The following CHN2 variants were observed in gnomAD, a reference collection of about 807,000 sequenced individuals.
CHN2 encodes chimerin 2.
A neutral mutation model predicts 56.3 loss-of-function variants in CHN2; 35 were observed. That is an observed-to-expected ratio of 0.62 (90% CI 0.47 to 0.82). The LOEUF (loss-of-function observed/expected upper bound fraction) is 0.82, where lower values mean the gene tolerates loss of function less well. Among genes scored for constraint, CHN2 ranks in the 40% least tolerant of loss-of-function variants. CHN2 has a pLI of 0.00. For synonymous variants in CHN2, 210 were observed against 212.8 expected (o/e 0.99, Z 0.12); for missense variants, 491 against 580.5 (o/e 0.85, Z 1.58).
rs149445075 is a variant in CHN2 at position 29,283,892 on chromosome 7, C to T, written c.50-70733C>T. 8.6e-3 allele frequency among the ~76,000 whole-genome samples: 1,228 copies of T among 143,454 alleles called. 19 individuals are homozygous for T. The highest frequency in any genetic ancestry group is 0.03 in the African/African-American group (1,166 of 39,028). 94.1% of individuals were successfully genotyped at this position (143,454 alleles called of 152,430 possible). ...TCTGCCTCCCAAAATGTTGGGATTA[C>T]AGGCAGGAGCCACCGTTCCCAGCCA... On this transcript the variant is annotated intron_variant, in intron 1 of 12. Coordinates refer to ENST00000222792, the MANE Select transcript of CHN2 (RefSeq NM_004067.4).
chr7:29,245,797 C>T (rs187230342), intron 1 of CHN2, among the ~76,000 whole-genome samples: 166 of 152,220 alleles, frequency 1.1e-3, no homozygotes, highest in Non-Finnish European at 3.1e-4. Flanking sequence ...CACATTTCCA[C>T]GCCTTTACTC....
intron 2 of CHN2, among the ~76,000 whole-genome samples, chr7:29,172,962 T>G (rs1406717379): frequency 6.6e-6 from 1 of 151,656 alleles, no homozygotes; most frequent in African/African-American, 2.4e-5. Flanking sequence ...AAAAACCTGT[T>G]TCTACTAAAA....
intron 12 of CHN2, among the ~76,000 whole-genome samples, chr7:29,511,761 G>A (rs1182701641): frequency 6.6e-6 from 1 of 151,912 alleles, no homozygotes; most frequent in Non-Finnish European, 1.5e-5. Context: ...CATTTTTGGA[G>A]AACCCATTCC....
chr7:29,372,936 C>T (rs1031240942), intron 3 of CHN2, among the ~76,000 whole-genome samples: 3 of 152,090 alleles, frequency 2.0e-5, no homozygotes, highest in African/African-American at 4.8e-5. Flanking sequence ...TTTTTGAAAT[C>T]GCTATAGTGA....
At chr7:29,487,395 T>A (rs1788140174) in intron 7 of CHN2, among the ~76,000 whole-genome samples, 1 of 152,098 alleles carries the variant, frequency 6.6e-6, no homozygotes, top group Admixed American at 6.6e-5. Context: ...ATTAAAAAAA[T>A]GTTGTTTCTG....
At chr7:29,498,548 T>TA (rs767388809) in intron 8 of CHN2, among the ~76,000 whole-genome samples, 7 of 152,346 alleles carry the variant, frequency 4.6e-5, no homozygotes, top group Non-Finnish European at 8.8e-5. Context: ...TACAAAAGTT[T>TA]AGATCCTCTC....
chr7:29,408,245 C>T lies in CHN2; in HGVS notation c.576+7417C>T, dbSNP rs527352601. Reference sequence around the variant, plus strand: ...ATATATTAAAAATGCCCATGTTTGACCCCACCTGCCTATGGAATCAAAGTC... The same window carrying T: ...ATATATTAAAAATGCCCATGTTTGATCCCACCTGCCTATGGAATCAAAGTC... On this transcript the variant is annotated intron_variant, in intron 6 of 12. Transcript: ENST00000222792. 2.0e-5 allele frequency among the ~76,000 whole-genome samples: 3 copies of T among 152,034 alleles called. No homozygotes were observed. In the South Asian group the frequency reaches 6.2e-4, roughly 32 times the overall value.
At chr7:29,154,323 C>G (rs772708817) in intron 2 of CHN2, among the ~76,000 whole-genome samples, 1 of 152,126 alleles carries the variant, frequency 6.6e-6, no homozygotes, top group African/African-American at 2.4e-5. Flanking sequence ...CATTCGTATG[C>G]AGTGAATCAG....
At position 29,507,285 on chromosome 7, in the gene CHN2, G is replaced by C; in HGVS notation, c.1049G>C (p.Gly350Ala). The C allele has an allele frequency of 6.2e-7, 1 of 1,613,434 alleles. No homozygotes were observed. Among genetic ancestry groups the C allele is most frequent in the Non-Finnish European group, 8.5e-7 (1 of 1,179,668 alleles). ...NVYPDINIITGALKLYFRDLP... is the reference protein window; with the variant it reads ...NVYPDINIITAALKLYFRDLP... ...TATCCAGACATAAACATCATCACTG[G>C]AGCCCTTAAACTGTATTTCAGAGAC... Residue 350 changes from glycine (G) to alanine (A), a missense_variant, in exon 11 of 13, where the codon GGA becomes GCA. Physicochemically the swap from Gly to Ala is moderately conservative, Grantham distance 60. Transcript: ENST00000222792.
chr7:29,234,328 T>C (rs944404268), intron 1 of CHN2, among the ~76,000 whole-genome samples: 1 of 152,252 alleles, frequency 6.6e-6, no homozygotes, highest in Non-Finnish European at 1.5e-5. Context: ...ATTTTCATTA[T>C]GGTAATGACG....
intron 1 of CHN2, among the ~76,000 whole-genome samples, chr7:29,204,283 A>G (rs558500339): frequency 1.1e-3 from 161 of 152,232 alleles, no homozygotes; most frequent in Non-Finnish European, 1.8e-3. Context: ...TCAAATTTAT[A>G]TCGTATATAA....
rs149584418 is a variant in CHN2 at position 29,299,187 on chromosome 7, G to A, written c.50-55438G>A. Among the ~76,000 whole-genome samples, 555 of 152,256 alleles carry A rather than the reference G, an allele frequency of 3.6e-3. 5 individuals are homozygous for A. Among genetic ancestry groups the A allele is most frequent in the African/African-American group, 0.012 (512 of 41,542 alleles). Reference sequence around the variant, plus strand: ...ACCAAACATCCTATGGTTCCACCCCGTGCTCCCACTGCGTAGACCGGTCGG... The same window carrying A: ...ACCAAACATCCTATGGTTCCACCCCATGCTCCCACTGCGTAGACCGGTCGG... On this transcript the variant is annotated intron_variant, in intron 1 of 12. Transcript: ENST00000222792.
intron 6 of CHN2, among the ~76,000 whole-genome samples, chr7:29,413,691 C>T (rs1803458478): frequency 6.6e-6 from 1 of 152,230 alleles, no homozygotes; most frequent in Non-Finnish European, 1.5e-5. Context: ...GAACTTGTGA[C>T]TTGCGGGTCA....
At chr7:29,374,839 T>TCCTTCCTTCCTC (rs1390844326) in intron 3 of CHN2, among the ~76,000 whole-genome samples, 3 of 148,284 alleles carry the variant, frequency 2.0e-5, no homozygotes, top group Non-Finnish European at 4.5e-5. Flanking sequence ...CTTCCTTCCT[T>TCCTTCCTTCCTC]CCTTCCTTCC....
At chr7:29,404,164 T>G (rs1489022204) in intron 6 of CHN2, among the ~76,000 whole-genome samples, 1 of 152,182 alleles carries the variant, frequency 6.6e-6, no homozygotes, top group Non-Finnish European at 1.5e-5. Flanking sequence ...CCCTTGGTTT[T>G]GGGCCATCCT....
At chr7:29,418,430 G>T (rs952060455) in intron 6 of CHN2, among the ~76,000 whole-genome samples, 3 of 152,268 alleles carry the variant, frequency 2.0e-5, no homozygotes, top group Non-Finnish European at 4.4e-5. Context: ...TTTGACTGGG[G>T]AGTGGTAGGT....
At chr7:29,346,358 C>T (rs2128918436) in intron 1 of CHN2, among the ~76,000 whole-genome samples, 1 of 152,342 alleles carries the variant, frequency 6.6e-6, no homozygotes, top group East Asian at 1.9e-4. Context: ...GATCCCAACC[C>T]ATTCTGGGCC....
At chr7:29,149,589 G>C (rs1425679073) in intron 2 of CHN2, among the ~76,000 whole-genome samples, 1 of 152,200 alleles carries the variant, frequency 6.6e-6, no homozygotes, top group East Asian at 1.9e-4. Context: ...TTTCCAGGGA[G>C]GTTGTAACTG....
chr7:29,447,034 C>T (rs533166632), intron 6 of CHN2, among the ~76,000 whole-genome samples: 33 of 152,230 alleles, frequency 2.2e-4, no homozygotes, highest in Non-Finnish European at 3.4e-4. Context: ...AGTTGAAGAA[C>T]ATTTATGGGA....
Sources: gnomAD v4.1 joint callset for allele counts (sites outside exome capture counted in the v4.1 genomes callset) on GRCh38, gnomAD v4.1.1 for gene constraint, MANE v1.5 for transcripts, NCBI Gene and HGNC (gene_info 2026-07-23, HGNC 2026-07-21) for gene names.